Variants in KIAA2012 observed in about 807,000 individuals in gnomAD.
KIAA2012 encodes the protein uncharacterized protein KIAA2012.
A neutral mutation model predicts 150.6 loss-of-function variants in KIAA2012; 125 were observed. That is an observed-to-expected ratio of 0.83 (90% CI 0.72 to 0.96). The LOEUF is 0.96. Ranked by LOEUF, KIAA2012 falls within the 40% of genes least tolerant of loss-of-function variation. The probability of loss-of-function intolerance (pLI) is 0.00; values close to 1 mark genes in which losing one functional copy is unlikely to be tolerated. For missense variants in KIAA2012, 1,219 were observed against 1,354.9 expected (o/e 0.90, Z 1.57); for synonymous variants, 462 against 504.7 (o/e 0.92, Z 1.13).
intron 2 of KIAA2012, among the ~76,000 whole-genome samples, chr2:202,075,842 T>C (rs971941456): frequency 6.6e-6 from 1 of 152,252 alleles, no homozygotes; most frequent in Non-Finnish European, 1.5e-5. Context: ...GGTGACTCCC[T>C]AATTTAAAAG....
chr2:202,178,980 C>T, intron 15 of KIAA2012: 1 of 275,728 alleles, frequency 3.6e-6, no homozygotes, highest in Non-Finnish European at 7.0e-6. Context: ...TGAACTTTTT[C>T]TTTTCAAATC....
chr2:202,081,509 C>T (rs1025117806), intron 2 of KIAA2012, among the ~76,000 whole-genome samples: 3 of 151,278 alleles, frequency 2.0e-5, no homozygotes, highest in Non-Finnish European at 2.9e-5. Flanking sequence ...ATATCCTCAT[C>T]AACACTTGTT....
chr2:202,094,533 A>G (rs1202118457), intron 4 of KIAA2012, among the ~76,000 whole-genome samples: 1 of 149,836 alleles, frequency 6.7e-6, no homozygotes, highest in African/African-American at 2.5e-5. Flanking sequence ...TTTTTTTTAG[A>G]GACAAGGTCT....
intron 14 of KIAA2012, among the ~76,000 whole-genome samples, chr2:202,156,469 G>A (rs1260859036): frequency 2.0e-5 from 3 of 152,052 alleles, no homozygotes; most frequent in Non-Finnish European, 4.4e-5. Flanking sequence ...CAGTTTCTGG[G>A]CATTTGGGAT....
chr2:202,187,216 G>C, intron 17 of KIAA2012, 118 bp downstream of exon 17: 1 of 1,110,850 alleles, frequency 9.0e-7, no homozygotes, highest in Non-Finnish European at 1.2e-6. Context: ...GGGGATGAGG[G>C]GGGCACTGAG....
intron 1 of KIAA2012, among the ~76,000 whole-genome samples, chr2:202,074,503 C>T (rs1689278249): frequency 6.6e-6 from 1 of 152,168 alleles, no homozygotes. Context: ...GTGGTGGTGG[C>T]TTGGAATGCT....
intron 15 of KIAA2012, among the ~76,000 whole-genome samples, chr2:202,168,711 A>C (rs1006196839): frequency 1.3e-5 from 2 of 152,144 alleles, no homozygotes; most frequent in African/African-American, 4.8e-5. Context: ...CATTCAGTGA[A>C]GTTACTGTGA....
At chr2:202,125,694 G>T (rs1690766289) in intron 12 of KIAA2012, 2 of 357,808 alleles carry the variant, frequency 5.6e-6, no homozygotes, top group South Asian at 4.3e-5. Flanking sequence ...AAAGACTCAG[G>T]CTTGTATTTT....
chr2:202,199,421 C>T (rs544796215), intron 22 of KIAA2012, among the ~76,000 whole-genome samples: 1 of 152,254 alleles, frequency 6.6e-6, no homozygotes, highest in East Asian at 1.9e-4. Flanking sequence ...CAGCCACGGG[C>T]CACCATGCTG....
At chr2:202,118,538 C>A (rs1690579950) in intron 11 of KIAA2012, among the ~76,000 whole-genome samples, 1 of 152,182 alleles carries the variant, frequency 6.6e-6, no homozygotes, top group Non-Finnish European at 1.5e-5. Flanking sequence ...GAAGACTGAG[C>A]ATGATAAGAG....
intron 7 of KIAA2012, among the ~76,000 whole-genome samples, chr2:202,101,458 G>A (rs1690041783): frequency 6.6e-6 from 1 of 152,202 alleles, no homozygotes; most frequent in Non-Finnish European, 1.5e-5. Context: ...GAAAGCCCTC[G>A]ACTTTGCTCC....
At chr2:202,106,099 T>C in intron 9 of KIAA2012, 189 bp downstream of exon 9, 1 of 1,469,388 alleles carries the variant, frequency 6.8e-7, no homozygotes, top group South Asian at 1.4e-5. Flanking sequence ...AAACTAACAG[T>C]GTCCAGCTCA....
In KIAA2012 at chr2:202,113,461, T is replaced by G; in HGVS notation, c.1762+15T>G. The G allele has an allele frequency of 3.3e-6, 5 of 1,496,260 alleles. No individual in the cohort carries two copies. The highest frequency in any genetic ancestry group is 4.5e-6 in the Non-Finnish European group (5 of 1,117,640). 92.7% of individuals were successfully genotyped at this position (1,496,260 alleles called of 1,614,324 possible). A position where few individuals can be genotyped will look rare whatever the true frequency, so the allele number is the denominator to read the frequency against. On this transcript the variant is annotated intron_variant, in intron 11 of 23. Transcript: ENST00000498697. ...ATCGGGTAAAGGTAAGCTAACACAT[T>G]CCAGGGCAGCCTTGTTTTTTTTTTT...
At chr2:202,162,195 T>C (rs1192484219) in intron 14 of KIAA2012, among the ~76,000 whole-genome samples, 4 of 152,142 alleles carry the variant, frequency 2.6e-5, no homozygotes, top group Non-Finnish European at 4.4e-5. Flanking sequence ...TATAAGCAAA[T>C]ACAGATAGAT....
Position 202,087,510 on chromosome 2 carries a change from C to CAAAAAAAAAAA in KIAA2012, c.370-3245_370-3235dup, listed in dbSNP as rs59728832. On this transcript the variant is annotated intron_variant, in intron 2 of 23. Coordinates refer to ENST00000498697, the MANE Select transcript of KIAA2012 (RefSeq NM_001277372.4). ...CCTGGTTGACAAAGCGAAACCATCT[C>CAAAAAAAAAAA]AAAAAAAAAAAAAAAAAAAAAAAAA... Among the ~76,000 whole-genome samples the CAAAAAAAAAAA allele has an allele frequency of 1.2e-3, 62 of 52,520 alleles. 1 individual carries two copies. The highest frequency in any genetic ancestry group is 1.9e-3 in the Non-Finnish European group (58 of 30,756). 34.5% of individuals were successfully genotyped at this position (52,520 alleles called of 152,430 possible).
chr2:202,155,484 C>A (rs1311912034), intron 14 of KIAA2012, among the ~76,000 whole-genome samples: 3 of 152,132 alleles, frequency 2.0e-5, no homozygotes, highest in Admixed American at 2.0e-4. Context: ...CCTACCCATT[C>A]TTTGCCCTCC....
intron 18 of KIAA2012, 78 bp downstream of exon 18, chr2:202,188,344 T>A: frequency 8.7e-7 from 1 of 1,152,758 alleles, no homozygotes; most frequent in Non-Finnish European, 1.2e-6. Flanking sequence ...ATAATTAGCA[T>A]GGATCCTACC....
At chr2:202,187,822 A>C (rs1462764557) in intron 17 of KIAA2012, among the ~76,000 whole-genome samples, 4 of 152,226 alleles carry the variant, frequency 2.6e-5, no homozygotes, top group African/African-American at 9.6e-5. Flanking sequence ...TAATCATGGC[A>C]ACACCAATCT....
intron 14 of KIAA2012, among the ~76,000 whole-genome samples, chr2:202,160,756 C>T (rs948933579): frequency 1.2e-4 from 18 of 152,188 alleles, no homozygotes; most frequent in African/African-American, 4.3e-4. Context: ...CATTTATATT[C>T]ATGTATCATA....
Sources: gnomAD v4.1 joint callset for allele counts (sites outside exome capture counted in the v4.1 genomes callset) on GRCh38, gnomAD v4.1.1 for gene constraint, MANE v1.5 for transcripts, NCBI Gene and HGNC (gene_info 2026-07-23, HGNC 2026-07-21) for gene names.